LRRC4C: variants seen among roughly 807,000 people sequenced by gnomAD.
LRRC4C encodes the protein leucine-rich repeat-containing protein 4C.
A neutral mutation model predicts 33.6 loss-of-function variants in LRRC4C; 5 were observed. The ratio of observed to expected loss-of-function variants is 0.15; its 90% confidence interval spans 0.08 to 0.31. The LOEUF (loss-of-function observed/expected upper bound fraction) is 0.31. Ranked by LOEUF, LRRC4C falls within the 10% of genes least tolerant of loss-of-function variation. The pLI is 1.00. For synonymous variants in LRRC4C, 329 were observed against 302.0 expected (o/e 1.09, Z -0.93); for missense variants, 560 against 796.7 (o/e 0.70, Z 3.58).
chr11:40,114,411 G>A lies in LRRC4C; in HGVS notation c.1882C>T (p.Arg628Ter), dbSNP rs1036799298. The A allele has an allele frequency of 8.1e-6, 13 of 1,613,564 alleles. No individual in the cohort carries two copies. Among genetic ancestry groups the A allele is most frequent in the Admixed American group, 1.7e-5 (1 of 59,974 alleles). ...TGTACATTGTCTTTAGAGTTCATTC[G>A]GATCAATAACGGTTCATGCACTGAA... ...HSSVHEPLLI[R>*]MNSKDNVQET... is the part of the protein sequence containing the mutation. The change falls in exon 7 of 7, where the codon CGA (arginine) becomes TGA (stop). Residue 628 changes from arginine to a stop codon, truncating the protein, a stop_gained. Coordinates refer to ENST00000528697, the MANE Select transcript of LRRC4C (RefSeq NM_001258419.2). LOFTEE classifies it high-confidence loss of function.
Position 40,295,911 on chromosome 11 carries a change from A to G in LRRC4C, c.-176+23717T>C, listed in dbSNP as rs57147053. 4.5e-3 allele frequency among the ~76,000 whole-genome samples: 692 copies of G among 152,340 alleles called. 7 individuals carry two copies. Among genetic ancestry groups the G allele is most frequent in the African/African-American group, 0.016 (648 of 41,568 alleles). On this transcript the variant is annotated intron_variant, in intron 4 of 6. Transcript: ENST00000528697. Reference sequence around the variant, plus strand: ...CTTATATGCTAATTATAGTTTATCCACTAATAAACGATTAAAAAGTACATT... The same window carrying G: ...CTTATATGCTAATTATAGTTTATCCGCTAATAAACGATTAAAAAGTACATT...
intron 3 of LRRC4C, among the ~76,000 whole-genome samples, chr11:40,337,522 T>G (rs1355944967): frequency 3.3e-5 from 5 of 152,192 alleles, no homozygotes; most frequent in African/African-American, 1.2e-4. Flanking sequence ...CAAAACCATG[T>G]ATCATAAATA....
At chr11:41,379,205 C>T (rs1183511563) in intron 1 of LRRC4C, among the ~76,000 whole-genome samples, 1 of 152,116 alleles carries the variant, frequency 6.6e-6, no homozygotes, top group Non-Finnish European at 1.5e-5. Flanking sequence ...GTCACTTGCA[C>T]TGTGGTTAAA....
chr11:40,726,015 T>C (rs1947276960), intron 2 of LRRC4C, among the ~76,000 whole-genome samples: 1 of 152,166 alleles, frequency 6.6e-6, no homozygotes, highest in Non-Finnish European at 1.5e-5. Context: ...GGAAAACTTC[T>C]ATATCCACAC....
At chr11:41,261,562 G>A (rs1948983290) in intron 1 of LRRC4C, among the ~76,000 whole-genome samples, 1 of 152,002 alleles carries the variant, frequency 6.6e-6, no homozygotes, top group South Asian at 2.1e-4. Context: ...TCAAGCCAGT[G>A]CACTCTTGAG....
chr11:40,672,637 T>A (rs1482027008), intron 2 of LRRC4C, among the ~76,000 whole-genome samples: 1 of 152,128 alleles, frequency 6.6e-6, no homozygotes, highest in Non-Finnish European at 1.5e-5. Flanking sequence ...TTACAAAGCT[T>A]TTTCAGATAC....
intron 1 of LRRC4C, among the ~76,000 whole-genome samples, chr11:41,091,176 T>C (rs897520827): frequency 2.0e-5 from 3 of 151,950 alleles, no homozygotes; most frequent in African/African-American, 4.8e-5. Flanking sequence ...TACATTACTT[T>C]ATAGTATTTC....
chr11:40,277,034 T>C (rs998434303), intron 4 of LRRC4C, among the ~76,000 whole-genome samples: 2 of 151,892 alleles, frequency 1.3e-5, no homozygotes, highest in Non-Finnish European at 2.9e-5. Context: ...GTGTTAAGAG[T>C]TATGGGGGAA....
intron 1 of LRRC4C, among the ~76,000 whole-genome samples, chr11:41,087,352 C>T (rs551553838): frequency 6.6e-6 from 1 of 152,242 alleles, no homozygotes; most frequent in African/African-American, 2.4e-5. Flanking sequence ...AATCAATTAT[C>T]CCTACCCAGC....
At chr11:40,542,973 T>A (rs1009349429) in intron 3 of LRRC4C, among the ~76,000 whole-genome samples, 1 of 152,120 alleles carries the variant, frequency 6.6e-6, no homozygotes, top group Non-Finnish European at 1.5e-5. Flanking sequence ...GCATACAGAT[T>A]TCTAGGTTGT....
intron 3 of LRRC4C, among the ~76,000 whole-genome samples, chr11:40,367,279 T>G (rs763578152): frequency 2.6e-5 from 4 of 152,076 alleles, no homozygotes; most frequent in Non-Finnish European, 4.4e-5. Context: ...ATAGGCTGCT[T>G]CTTTCTACTG....
At chr11:40,419,105 C>G (rs1950433242) in intron 3 of LRRC4C, among the ~76,000 whole-genome samples, 1 of 151,764 alleles carries the variant, frequency 6.6e-6, no homozygotes, top group Non-Finnish European at 1.5e-5. Context: ...ACCTGCACAT[C>G]CTGCACTTGT....
chr11:40,161,476 G>A (rs187040176), intron 5 of LRRC4C, among the ~76,000 whole-genome samples: 14 of 152,284 alleles, frequency 9.2e-5, no homozygotes, highest in African/African-American at 3.1e-4. Flanking sequence ...AGAGGAGGCC[G>A]GGCACGGTCG....
At position 41,077,811 on chromosome 11, in the gene LRRC4C, G is replaced by A. The variant is rs138112698; in HGVS notation, c.-495-144088C>T. Reference sequence around the variant, plus strand: ...TTCTTTTATTCCACATGGTCACACCGCAAATTTTCCAAACGTTTATGCTCT... The same window carrying A: ...TTCTTTTATTCCACATGGTCACACCACAAATTTTCCAAACGTTTATGCTCT... On this transcript the variant is annotated intron_variant, in intron 1 of 6. Transcript: ENST00000528697. Among the ~76,000 whole-genome samples, 708 of 152,212 alleles carry A rather than the reference G, an allele frequency of 4.7e-3. 12 individuals are homozygous for A. Among genetic ancestry groups the A allele is most frequent in the African/African-American group, 0.015 (636 of 41,516 alleles).
intron 1 of LRRC4C, among the ~76,000 whole-genome samples, chr11:41,356,225 A>C (rs148205144): frequency 4.3e-4 from 66 of 152,304 alleles, no homozygotes; most frequent in South Asian, 1.7e-3. Flanking sequence ...AAATGCATAC[A>C]GCAAGTTAAA....
At chr11:41,427,094 AG>A (rs1454385383) in intron 1 of LRRC4C, among the ~76,000 whole-genome samples, 1 of 152,166 alleles carries the variant, frequency 6.6e-6, no homozygotes, top group Non-Finnish European at 1.5e-5. Context: ...ATGTACAGGG[AG>A]GGAAGGAATT....
rs546667161 is a variant in LRRC4C at position 40,921,804 on chromosome 11, G to T, written c.-407+11831C>A. Among the ~76,000 whole-genome samples the T allele has an allele frequency of 5.9e-5, 9 of 152,166 alleles. No homozygotes were observed. In the East Asian group the frequency reaches 1.7e-3, roughly 29 times the overall value. On this transcript the variant is annotated intron_variant, in intron 2 of 6. Coordinates refer to ENST00000528697, the MANE Select transcript of LRRC4C (RefSeq NM_001258419.2). ...TAAGCCACTAAATTTGTGATAATTT[G>T]TTACAATAGCAATGGAAAATAAACA...
chr11:41,353,865 A>C (rs1952067925), intron 1 of LRRC4C, among the ~76,000 whole-genome samples: 1 of 152,020 alleles, frequency 6.6e-6, no homozygotes, highest in Admixed American at 6.6e-5. Flanking sequence ...TAGGAGTCGA[A>C]GGAATGTACC....
chr11:41,048,130 A>G (rs355217), intron 1 of LRRC4C, among the ~76,000 whole-genome samples: 53,020 of 152,024 alleles, frequency 0.35, 9,486 homozygotes, highest in Admixed American at 0.43. Flanking sequence ...AGTACTAAAA[A>G]CAAATGTACT....
Sources: gnomAD v4.1 joint callset for allele counts (sites outside exome capture counted in the v4.1 genomes callset) on GRCh38, gnomAD v4.1.1 for gene constraint, MANE v1.5 for transcripts, NCBI Gene and HGNC (gene_info 2026-07-23, HGNC 2026-07-21) for gene names.